Variants in RBMS3 observed in about 807,000 individuals in gnomAD.
RBMS3 encodes RNA-binding motif, single-stranded-interacting protein 3.
Under a neutral mutation model 66.8 loss-of-function variants are expected in RBMS3, and 27 were observed. The observed-to-expected ratio is 0.40, with a 90% confidence interval of 0.30 to 0.56. The LOEUF is 0.56. RBMS3 is among the 20% of genes least tolerant of loss of function. RBMS3 has a pLI of 0.40. For missense variants in RBMS3, 513 were observed against 549.5 expected (o/e 0.93, Z 0.66); for synonymous variants, 188 against 183.0 (o/e 1.03, Z -0.22).
intron 3 of RBMS3, among the ~76,000 whole-genome samples, chr3:29,559,684 G>A (rs926480802): frequency 1.3e-5 from 2 of 151,884 alleles, no homozygotes. Flanking sequence ...TTAATGTTCT[G>A]CAAGTAAGTG....
intron 12 of RBMS3, among the ~76,000 whole-genome samples, chr3:29,978,922 C>T (rs550426846): frequency 3.6e-4 from 54 of 152,024 alleles, no homozygotes; most frequent in African/African-American, 1.3e-3. Flanking sequence ...ATACTTGAGG[C>T]CAGAAGTTCA....
intron 6 of RBMS3, among the ~76,000 whole-genome samples, chr3:29,801,272 C>CTTTTTTTCTTTTTT (rs553179866): frequency 7.7e-6 from 1 of 129,478 alleles, no homozygotes; most frequent in Non-Finnish European, 1.6e-5. Flanking sequence ...TGCTTTTTTT[C>CTTTTTTTCTTTTTT]TTTTTTTTTT....
intron 4 of RBMS3, among the ~76,000 whole-genome samples, chr3:29,623,046 G>A (rs1396167915): frequency 6.7e-6 from 1 of 149,280 alleles, no homozygotes; most frequent in Non-Finnish European, 1.5e-5. Flanking sequence ...GAACTGGCAA[G>A]CTTGCAGTGA....
At chr3:29,676,083 T>C (rs185220448) in intron 4 of RBMS3, among the ~76,000 whole-genome samples, 1 of 152,342 alleles carries the variant, frequency 6.6e-6, no homozygotes, top group African/African-American at 2.4e-5. Flanking sequence ...CACCATGGAA[T>C]ACTATGCAGC....
intron 4 of RBMS3, among the ~76,000 whole-genome samples, chr3:29,716,247 CA>C (rs1384862702): frequency 6.6e-6 from 1 of 152,098 alleles, no homozygotes; most frequent in Non-Finnish European, 1.5e-5. Flanking sequence ...TATACTTGCA[CA>C]GTTACCACAA....
chr3:29,359,712 C>G (rs1350005330), intron 1 of RBMS3, among the ~76,000 whole-genome samples: 1 of 152,144 alleles, frequency 6.6e-6, no homozygotes, highest in African/African-American at 2.4e-5. Context: ...TAATTATTGC[C>G]TCAATTTCAG....
intron 6 of RBMS3, among the ~76,000 whole-genome samples, chr3:29,852,174 T>A (rs2058951156): frequency 6.6e-6 from 1 of 152,112 alleles, no homozygotes; most frequent in Admixed American, 6.5e-5. Context: ...ATACAAAAAT[T>A]AACTCCAGAT....
Position 29,820,175 on chromosome 3 carries a change from T to A in RBMS3, c.638-48683T>A, listed in dbSNP as rs150075693. The stretch of plus-strand genomic sequence containing the variant: ...CTGCACTGCAGCCTGGGTAACAGAG[T>A]GAGACTTCTTCTCAAAAAAAAAAAA... On this transcript the variant is annotated intron_variant, in intron 6 of 14. Transcript: ENST00000383767. Among the ~76,000 whole-genome samples, 604 of 85,302 alleles carry A rather than the reference T, an allele frequency of 7.1e-3. 5 individuals carry two copies. Among genetic ancestry groups the A allele is most frequent in the Non-Finnish European group, 6.9e-3 (331 of 47,810 alleles). The allele number at this position is 85,302 out of a possible 152,430, so 56.0% of individuals were successfully genotyped here. A position where few individuals can be genotyped will look rare whatever the true frequency, so the allele number is the denominator to read the frequency against.
In RBMS3 at chr3:29,619,537, T is replaced by C. The variant is rs144917924; in HGVS notation, c.399+32332T>C. On this transcript the variant is annotated intron_variant, in intron 4 of 14. Coordinates refer to ENST00000383767, the MANE Select transcript of RBMS3 (RefSeq NM_001003793.3). ...AGACACCAGATGGGCAATGTGGCAA[T>C]AGAGAAAGCAGTACATGGAGAAGCA... Among the ~76,000 whole-genome samples the C allele has an allele frequency of 8.5e-5, 13 of 152,256 alleles. 1 individual carries two copies. Among genetic ancestry groups the C allele is most frequent in the African/African-American group, 3.1e-4 (13 of 41,542 alleles).
intron 1 of RBMS3, among the ~76,000 whole-genome samples, chr3:29,284,227 T>G (rs1188492943): frequency 6.6e-6 from 1 of 152,160 alleles, no homozygotes; most frequent in Non-Finnish European, 1.5e-5. Context: ...GATATGTCAA[T>G]AATACTTATG....
At chr3:29,394,467 T>C (rs2039455001) in intron 1 of RBMS3, among the ~76,000 whole-genome samples, 1 of 152,124 alleles carries the variant, frequency 6.6e-6, no homozygotes, top group South Asian at 2.1e-4. Context: ...CTTACGAAGA[T>C]GACAGGATTA....
At chr3:29,652,208 G>A (rs777767957) in intron 4 of RBMS3, among the ~76,000 whole-genome samples, 1 of 152,018 alleles carries the variant, frequency 6.6e-6, no homozygotes, top group Non-Finnish European at 1.5e-5. Context: ...GATTAATGTG[G>A]TTATGATTTC....
intron 6 of RBMS3, among the ~76,000 whole-genome samples, chr3:29,791,481 A>G (rs1171554188): frequency 2.0e-5 from 3 of 151,308 alleles, no homozygotes; most frequent in African/African-American, 7.3e-5. Context: ...CATTATTCAA[A>G]TAGCTTCTCA....
At chr3:29,936,928 T>G (rs1159654808) in intron 11 of RBMS3, among the ~76,000 whole-genome samples, 1 of 152,110 alleles carries the variant, frequency 6.6e-6, no homozygotes, top group African/African-American at 2.4e-5. Flanking sequence ...TCTAGAATAC[T>G]GAAACTTCAT....
chr3:29,738,661 T>A (rs1303942425), intron 4 of RBMS3, among the ~76,000 whole-genome samples: 1 of 152,210 alleles, frequency 6.6e-6, no homozygotes, highest in Non-Finnish European at 1.5e-5. Flanking sequence ...TAAGCTGTCA[T>A]CAGGATCACC....
intron 10 of RBMS3, among the ~76,000 whole-genome samples, chr3:29,911,253 G>T (rs1344684590): frequency 6.6e-6 from 1 of 152,016 alleles, no homozygotes; most frequent in Admixed American, 6.6e-5. Context: ...TGTAGGCAGG[G>T]TTTTGGTCCT....
intron 13 of RBMS3, among the ~76,000 whole-genome samples, chr3:29,990,239 T>C (rs1422892373): frequency 6.6e-6 from 1 of 151,260 alleles, no homozygotes; most frequent in Non-Finnish European, 1.5e-5. Context: ...AGAAGAAATT[T>C]AGGGAATTTC....
chr3:29,901,750 C>T (rs1277894510), intron 10 of RBMS3, among the ~76,000 whole-genome samples: 2 of 151,750 alleles, frequency 1.3e-5, no homozygotes, highest in Non-Finnish European at 2.9e-5. Context: ...CGTGCTTGAG[C>T]TTAGGCCACT....
intron 5 of RBMS3, among the ~76,000 whole-genome samples, chr3:29,747,226 G>A (rs2054942229): frequency 1.3e-5 from 2 of 152,080 alleles, no homozygotes; most frequent in South Asian, 2.1e-4. Context: ...TTTATTCTCT[G>A]TATCTCTATG....
Sources: gnomAD v4.1 joint callset for allele counts (sites outside exome capture counted in the v4.1 genomes callset) on GRCh38, gnomAD v4.1.1 for gene constraint, MANE v1.5 for transcripts, NCBI Gene and HGNC (gene_info 2026-07-23, HGNC 2026-07-21) for gene names.